Variants in PTPRT observed in about 807,000 individuals in gnomAD.
The protein encoded by PTPRT is receptor-type tyrosine-protein phosphatase T.
A neutral mutation model predicts 176.8 loss-of-function variants in PTPRT; 56 were observed. That is an observed-to-expected ratio of 0.32 (90% CI 0.26 to 0.40). The LOEUF is 0.40. Among genes scored for constraint, PTPRT ranks in the 10% least tolerant of loss-of-function variants. The pLI is 1.00. For missense variants in PTPRT, 1,540 were observed against 1,908.2 expected (o/e 0.81, Z 3.60); for synonymous variants, 783 against 739.0 (o/e 1.06, Z -0.96).
chr20:42,389,007 T>C (rs1600939136), intron 9 of PTPRT, among the ~76,000 whole-genome samples: 1 of 151,950 alleles, frequency 6.6e-6, no homozygotes, highest in Middle Eastern at 3.2e-3. Context: ...ACCATCATTC[T>C]CAGCAAACTA....
intron 6 of PTPRT, among the ~76,000 whole-genome samples, chr20:42,726,026 C>A (rs541346689): frequency 1.3e-3 from 197 of 151,500 alleles, no homozygotes; most frequent in Non-Finnish European, 2.2e-3. Context: ...AGAATACATT[C>A]ATAGATTCTG....
chr20:43,180,947 T>C (rs955862538), intron 1 of PTPRT, among the ~76,000 whole-genome samples: 1 of 152,168 alleles, frequency 6.6e-6, no homozygotes, highest in African/African-American at 2.4e-5. Flanking sequence ...CAAAGTGATG[T>C]GATGTCCCTT....
At chr20:42,044,409 A>T in the PTPRT span, among the ~76,000 whole-genome samples, 1 of 152,226 alleles carries the variant, frequency 6.6e-6, no homozygotes, top group South Asian at 2.1e-4. Flanking sequence ...TTTCCAAAGA[A>T]GATGATTCCA....
chr20:43,022,961 C>T (rs1985757829), intron 1 of PTPRT, among the ~76,000 whole-genome samples: 1 of 152,170 alleles, frequency 6.6e-6, no homozygotes, highest in African/African-American at 2.4e-5. Context: ...ACTAAGAGTG[C>T]CCAGCCAAGG....
intron 9 of PTPRT, among the ~76,000 whole-genome samples, chr20:42,431,397 C>T (rs1024512637): frequency 1.4e-4 from 21 of 152,024 alleles, no homozygotes; most frequent in Admixed American, 6.5e-5. Context: ...AAGAAAATTA[C>T]GGTATATACA....
chr20:43,140,954 G>A (rs1190381100), intron 1 of PTPRT, among the ~76,000 whole-genome samples: 1 of 152,052 alleles, frequency 6.6e-6, no homozygotes, highest in Non-Finnish European at 1.5e-5. Context: ...AACATATTCG[G>A]ACTCACACTC....
intron 7 of PTPRT, among the ~76,000 whole-genome samples, chr20:42,569,570 C>T (rs1017791585): frequency 6.6e-6 from 1 of 152,170 alleles, no homozygotes; most frequent in Non-Finnish European, 1.5e-5. Context: ...CTCACTCCTG[C>T]CTGCTCCTCT....
intron 16 of PTPRT, among the ~76,000 whole-genome samples, chr20:42,190,135 A>T (rs890789590): frequency 6.6e-6 from 1 of 152,048 alleles, no homozygotes; most frequent in Non-Finnish European, 1.5e-5. Context: ...GTAACATTCA[A>T]TTCTTCTCCC....
intron 6 of PTPRT, among the ~76,000 whole-genome samples, chr20:42,743,357 G>A (rs866340916): frequency 6.6e-5 from 10 of 152,180 alleles, no homozygotes; most frequent in Non-Finnish European, 1.3e-4. Context: ...TGAAAAAGGA[G>A]AAGGATCATA....
intron 1 of PTPRT, among the ~76,000 whole-genome samples, chr20:43,074,161 G>T (rs1328377494): frequency 6.6e-6 from 1 of 152,054 alleles, no homozygotes; most frequent in Admixed American, 6.5e-5. Flanking sequence ...TCTTAAGGGG[G>T]ATGTAATGAA....
rs542527906 is a variant in PTPRT at position 43,131,111 on chromosome 20, C to A, written c.88+58535G>T. On this transcript the variant is annotated intron_variant, in intron 1 of 30. Coordinates refer to ENST00000373187, the MANE Select transcript of PTPRT (RefSeq NM_007050.6). ...CTTCTGTCCTATTGCTGATTTAGCA[C>A]CTCCAGCCTCTAACAAGTACTCCCA... Among the ~76,000 whole-genome samples, 12 of 152,332 alleles carry A rather than the reference C, an allele frequency of 7.9e-5. No homozygotes were observed. The East Asian group carries it at 2.3e-3, about 29-fold the overall frequency.
chr20:42,729,264 C>T (rs1182649854), intron 6 of PTPRT, among the ~76,000 whole-genome samples: 1 of 152,076 alleles, frequency 6.6e-6, no homozygotes, highest in African/African-American at 2.4e-5. Context: ...TCTGAGTCTA[C>T]CCAGGGGGGT....
At chr20:42,047,571 C>T in the PTPRT span, among the ~76,000 whole-genome samples, 10 of 152,214 alleles carry the variant, frequency 6.6e-5, no homozygotes, top group African/African-American at 1.7e-4. Flanking sequence ...ATTTCTCATA[C>T]CTGAATTTAA....
intron 12 of PTPRT, among the ~76,000 whole-genome samples, chr20:42,288,474 C>G (rs2057267382): frequency 6.6e-6 from 1 of 151,910 alleles, no homozygotes; most frequent in Non-Finnish European, 1.5e-5. Context: ...AACAAATGAA[C>G]ATAGTACCCA....
chr20:42,167,079 A>G (rs1172530628), intron 16 of PTPRT, among the ~76,000 whole-genome samples: 1 of 152,180 alleles, frequency 6.6e-6, no homozygotes, highest in African/African-American at 2.4e-5. Flanking sequence ...TTCTTTATCT[A>G]TAATACAGAG....
At chr20:43,023,564 G>T (rs887975626) in intron 1 of PTPRT, among the ~76,000 whole-genome samples, 1 of 152,182 alleles carries the variant, frequency 6.6e-6, no homozygotes, top group African/African-American at 2.4e-5. Context: ...AGACAGGTGG[G>T]ACCTGAGGCC....
At chr20:42,890,279 T>C (rs1376920865) in intron 1 of PTPRT, among the ~76,000 whole-genome samples, 1 of 152,174 alleles carries the variant, frequency 6.6e-6, no homozygotes, top group East Asian at 1.9e-4. Flanking sequence ...GGGGAGATTT[T>C]TAGGCAACTT....
intron 1 of PTPRT, among the ~76,000 whole-genome samples, chr20:43,142,674 C>T (rs1228537370): frequency 2.0e-5 from 3 of 152,188 alleles, no homozygotes; most frequent in Non-Finnish European, 2.9e-5. Context: ...CCAGTCAACC[C>T]ACCTACATTA....
At chr20:42,141,674 G>T (rs952492819) in intron 18 of PTPRT, among the ~76,000 whole-genome samples, 1 of 152,086 alleles carries the variant, frequency 6.6e-6, no homozygotes, top group African/African-American at 2.4e-5. Flanking sequence ...AGGCTTCATG[G>T]TTCTGCTCTG....
Sources: allele counts gnomAD v4.1 joint callset (sites outside exome capture counted in the v4.1 genomes callset), GRCh38; gene constraint gnomAD v4.1.1; transcripts MANE v1.5; gene names NCBI Gene and HGNC (gene_info 2026-07-23, HGNC 2026-07-21).